BCR: variants seen among roughly 807,000 people sequenced by gnomAD.
BCR encodes BCR activator of RhoGEF and GTPase, also known as breakpoint cluster region protein.
BCR carries 58 observed loss-of-function variants against 138.6 expected under a neutral mutation model. The observed-to-expected ratio is 0.42, with a 90% CI of 0.34 to 0.52. The LOEUF is 0.52. Ranked by LOEUF, BCR falls within the 20% of genes least tolerant of loss-of-function variation. BCR has a pLI of 0.06. For missense variants in BCR, 1,599 were observed against 1,727.2 expected, an observed-to-expected ratio of 0.93 and a Z score of 1.32; for synonymous variants, 786 against 730.1, an observed-to-expected ratio of 1.08 and a Z score of -1.23.
intron 1 of BCR, among the ~76,000 whole-genome samples, chr22:23,192,644 G>A (rs2072429959): frequency 6.6e-6 from 1 of 152,218 alleles, no homozygotes; most frequent in South Asian, 2.1e-4. Context: ...CTCCTTCTGG[G>A]ACACTTTGGT....
In BCR at chr22:23,314,781, C is replaced by G. The variant is rs995898726; in HGVS notation, c.3726+67C>G. The G allele has an allele frequency of 5.1e-6, 8 of 1,572,282 alleles. No homozygotes were observed. The Admixed American group carries it at 1.3e-4, about 26-fold the overall frequency. Reference sequence around the variant, plus strand: ...CAGAGGTGGCCTCTGCCTGCCCCACCCCCAGTCCTGCCCATCTTCTTACTT... The same window carrying G: ...CAGAGGTGGCCTCTGCCTGCCCCACGCCCAGTCCTGCCCATCTTCTTACTT... On this transcript the variant is annotated intron_variant, in intron 22 of 22. Coordinates refer to ENST00000305877, the MANE Select transcript of BCR (RefSeq NM_004327.4).
intron 1 of BCR, among the ~76,000 whole-genome samples, chr22:23,252,624 G>GGT (rs1555879594): frequency 1.3e-5 from 2 of 151,630 alleles, no homozygotes; most frequent in Admixed American, 6.6e-5. Flanking sequence ...TAGAGATGGG[G>GGT]TTCACCATAT....
intron 1 of BCR, among the ~76,000 whole-genome samples, chr22:23,185,537 C>T (rs953529447): frequency 1.2e-4 from 18 of 151,162 alleles, no homozygotes; most frequent in Non-Finnish European, 2.1e-4. Flanking sequence ...TGGTGGCCGG[C>T]GCCTGTAGTC....
intron 16 of BCR, chr22:23,302,607 C>T (rs9608102): frequency 0.099 from 15,064 of 152,362 alleles, 810 homozygotes; most frequent in African/African-American, 0.14. Flanking sequence ...GGCTGGGCTC[C>T]GGAGTCATGC....
At chr22:23,287,069 G>T in intron 10 of BCR, 90 bp from the exon 11 acceptor site, 1 of 1,544,040 alleles carries the variant, frequency 6.5e-7, no homozygotes. Flanking sequence ...TCTGCAGGCT[G>T]AATGCAGCTG....
chr22:23,239,064 T>C (rs2073058634), intron 1 of BCR, among the ~76,000 whole-genome samples: 1 of 152,212 alleles, frequency 6.6e-6, no homozygotes, highest in Non-Finnish European at 1.5e-5. Context: ...TGGGCTCTTC[T>C]GGTCCTGCCC....
chr22:23,188,621 A>G (rs1308017610), intron 1 of BCR, among the ~76,000 whole-genome samples: 1 of 152,156 alleles, frequency 6.6e-6, no homozygotes, highest in Non-Finnish European at 1.5e-5. Context: ...AAGCTTTCTC[A>G]GGTTACCAAA....
chr22:23,255,894 C>T (rs2073289779), intron 2 of BCR, among the ~76,000 whole-genome samples: 1 of 152,214 alleles, frequency 6.6e-6, no homozygotes. Context: ...CCCAAGCACG[C>T]CCCTTGGCCC....
At chr22:23,268,630 T>C in intron 5 of BCR, 115 bp downstream of exon 5, 3 of 933,638 alleles carry the variant, frequency 3.2e-6, no homozygotes, top group East Asian at 2.7e-5. Context: ...CCCAGCTGTT[T>C]CCAGATTCTG....
Position 23,292,454 on chromosome 22 carries a change from A to G in BCR, c.2783-87A>G, listed in dbSNP as rs1175114672. 5 of 961,534 alleles carry G rather than the reference A, an allele frequency of 5.2e-6. No homozygotes were observed. The East Asian group carries it at 1.3e-4, about 24-fold the overall frequency. The allele number at this position is 961,534 out of a possible 1,614,324, so 59.6% of individuals were successfully genotyped here. ...TTTTTTTTTATTTTTATTTTTTCTG[A>G]TTCTGCAAATAACACCTGCTCTTAC... On this transcript the variant is annotated intron_variant, in intron 14 of 22. Transcript: ENST00000305877.
At chr22:23,289,297 T>C (rs538845316) in intron 12 of BCR, among the ~76,000 whole-genome samples, 2 of 152,332 alleles carry the variant, frequency 1.3e-5, no homozygotes, top group African/African-American at 4.8e-5. Flanking sequence ...AGTCTCATGC[T>C]AAGACTCCTC....
chr22:23,212,819 G>A (rs2072702361), intron 1 of BCR, among the ~76,000 whole-genome samples: 1 of 152,234 alleles, frequency 6.6e-6, no homozygotes, highest in African/African-American at 2.4e-5. Context: ...CTGCTCTCTG[G>A]GCAAGAGATG....
chr22:23,271,617 T>C (rs773206933), intron 6 of BCR, 25 bp downstream of exon 6: 7 of 1,609,302 alleles, frequency 4.3e-6, no homozygotes, highest in Non-Finnish European at 6.0e-6. Context: ...CTGAGGTCTC[T>C]GTGTGCCCTC....
chr22:23,252,831 G>A (rs1006485799), intron 1 of BCR, among the ~76,000 whole-genome samples: 2 of 152,178 alleles, frequency 1.3e-5, no homozygotes, highest in African/African-American at 4.8e-5. Context: ...GTGACCAAAT[G>A]TAGGGGTTTT....
In BCR at chr22:23,269,555, C is replaced by T. The variant is rs1013359818; in HGVS notation, c.1860+1040C>T. On this transcript the variant is annotated intron_variant, in intron 5 of 22. Coordinates refer to ENST00000305877, the MANE Select transcript of BCR (RefSeq NM_004327.4). ...TCACCGGATGGAGCATCACGGGCTT[C>T]GCTCTGATGTCTCCAGTGGTGACAG... 2.0e-5 allele frequency among the ~76,000 whole-genome samples: 3 copies of T among 152,168 alleles called. 1 individual carries two copies. The highest frequency in any genetic ancestry group is 3.9e-4 in the East Asian group (2 of 5,174).
chr22:23,279,551 C>T (rs761277138), intron 8 of BCR, among the ~76,000 whole-genome samples: 8 of 152,208 alleles, frequency 5.3e-5, no homozygotes, highest in Non-Finnish European at 1.2e-4. Context: ...GGCAGGGTAG[C>T]GGGGGCTGAG....
At chr22:23,288,496 T>C (rs2267021) in intron 12 of BCR, among the ~76,000 whole-genome samples, 51,556 of 149,152 alleles carry the variant, frequency 0.35, 9,925 homozygotes, top group African/African-American at 0.52. Flanking sequence ...CTCCCCCTAG[T>C]CTGCTGCCCA....
chr22:23,276,288 A>G (rs1221457446), intron 8 of BCR, among the ~76,000 whole-genome samples: 2 of 151,962 alleles, frequency 1.3e-5, no homozygotes, highest in African/African-American at 4.8e-5. Context: ...AGTCCCAGCT[A>G]CTCAGGAGGC....
chr22:23,226,140 A>G (rs1047375452), intron 1 of BCR, among the ~76,000 whole-genome samples: 2 of 152,140 alleles, frequency 1.3e-5, no homozygotes, highest in African/African-American at 4.8e-5. Context: ...TAAATGATTC[A>G]TTTCCTTCAA....
Sources: gnomAD v4.1 joint callset for allele counts (sites outside exome capture counted in the v4.1 genomes callset) on GRCh38, gnomAD v4.1.1 for gene constraint, MANE v1.5 for transcripts, NCBI Gene and HGNC (gene_info 2026-07-23, HGNC 2026-07-21) for gene names.